TNRC6A: variants seen among roughly 807,000 people sequenced by gnomAD.
The protein encoded by TNRC6A is trinucleotide repeat containing adaptor 6A, also known as trinucleotide repeat-containing gene 6A protein.
A neutral mutation model predicts 221.2 loss-of-function variants in TNRC6A; 44 were observed. The ratio of observed to expected loss-of-function variants is 0.20; its 90% CI spans 0.16 to 0.26. TNRC6A has a LOEUF of 0.26. TNRC6A is among the 10% of genes least tolerant of loss of function. TNRC6A has a pLI of 1.00. For missense variants in TNRC6A, 2,199 were observed against 2,404.4 expected (o/e 0.91, Z 1.79); for synonymous variants, 847 against 838.5 (o/e 1.01, Z -0.18).
chr16:24,648,561 C>T (rs755213123), intron 2 of TNRC6A, among the ~76,000 whole-genome samples: 152 of 152,282 alleles, frequency 1.0e-3, no homozygotes, highest in Non-Finnish European at 1.5e-3. Flanking sequence ...TGAGCCACCG[C>T]GCCCGGCCCA....
intron 2 of TNRC6A, among the ~76,000 whole-genome samples, chr16:24,660,528 G>A (rs1157311873): frequency 1.3e-5 from 2 of 151,918 alleles, no homozygotes; most frequent in Non-Finnish European, 2.9e-5. Flanking sequence ...GTTGTGAATA[G>A]TGTGAATTGT....
At chr16:24,724,605 G>T (rs936089148) in intron 2 of TNRC6A, among the ~76,000 whole-genome samples, 15 of 152,114 alleles carry the variant, frequency 9.9e-5, no homozygotes, top group Admixed American at 6.6e-5. Flanking sequence ...AAGTAGCCAG[G>T]TGCAGTGACT....
At chr16:24,701,307 A>G (rs555384317) in intron 2 of TNRC6A, among the ~76,000 whole-genome samples, 2 of 151,806 alleles carry the variant, frequency 1.3e-5, no homozygotes, top group South Asian at 2.1e-4. Context: ...TGGCTCTTCA[A>G]TGCTCCCAAG....
Position 24,790,435 on chromosome 16 carries a change from G to A in TNRC6A, c.1793G>A (p.Arg598Gln), listed in dbSNP as rs768309586. 67 of 1,614,110 alleles carry A rather than the reference G, an allele frequency of 4.2e-5. No individual in the cohort carries two copies. Among genetic ancestry groups the A allele is most frequent in the Non-Finnish European group, 4.7e-5 (55 of 1,180,046 alleles). The change falls in exon 6 of 25, where the codon CGA becomes CAA. Residue 598 changes from arginine to glutamine, a missense_variant. Physicochemically the swap from Arg to Gln is conservative, Grantham distance 43. This residue lies in a region of TNRC6A where 1,405 missense variants were observed against 1,400.2 expected (regional missense o/e 1.00). Transcript: ENST00000395799. ...AATGGCGCAAATTCTGGAGGAAGTCGAAGAGGATGGGGAACCCCTGCACAA... is the reference window on the plus strand; with the variant it reads ...AATGGCGCAAATTCTGGAGGAAGTCAAAGAGGATGGGGAACCCCTGCACAA... ...SGNGANSGGS[R>Q]RGWGTPAQNT...
intron 2 of TNRC6A, among the ~76,000 whole-genome samples, chr16:24,732,856 A>G (rs1441216109): frequency 6.6e-6 from 1 of 152,216 alleles, no homozygotes; most frequent in Non-Finnish European, 1.5e-5. Context: ...GCTGAGAACC[A>G]CTGCTCTAGA....
At chr16:24,776,847 T>A (rs2057728954) in intron 4 of TNRC6A, 86 bp from the exon 5 acceptor site, 2 of 1,524,422 alleles carry the variant, frequency 1.3e-6, no homozygotes, top group Admixed American at 4.3e-5. Flanking sequence ...ATTATTTTTC[T>A]TAGTGCCTTT....
At position 24,750,832 on chromosome 16, in the gene TNRC6A, AT is replaced by A; in HGVS notation, c.141+22del. The A allele has an allele frequency of 6.7e-7, 1 of 1,489,800 alleles. No homozygotes were observed. Among genetic ancestry groups the A allele is most frequent in the South Asian group, 1.5e-5 (1 of 68,336 alleles). The allele number at this position is 1,489,800 out of a possible 1,614,324, so 92.3% of individuals were successfully genotyped here. On this transcript the variant is annotated intron_variant, in intron 3 of 24. Transcript: ENST00000395799. ...AAAGAAGGTAGTATGTGTGTAAACT[AT>A]TTATATTAAGCAGTTTAAACATAGA...
At chr16:24,684,459 C>A (rs1241230444) in intron 2 of TNRC6A, among the ~76,000 whole-genome samples, 1 of 151,750 alleles carries the variant, frequency 6.6e-6, no homozygotes, top group African/African-American at 2.4e-5. Flanking sequence ...TGAATTTTAC[C>A]TAATTTTTAC....
At chr16:24,674,620 T>C (rs900847366) in intron 2 of TNRC6A, among the ~76,000 whole-genome samples, 1 of 151,964 alleles carries the variant, frequency 6.6e-6, no homozygotes, top group African/African-American at 2.4e-5. Flanking sequence ...AAATTCAATG[T>C]ATTGTGACAG....
In TNRC6A at chr16:24,790,241, A is replaced by T. The variant is rs1484695296; in HGVS notation, c.1599A>T (p.Lys533Asn). ...GAYGSNYSGD[K>N]CSGPNGQANG... ...ATGGTTCTAATTACTCTGGAGACAA[A>T]TGTTCAGGCCCTAATGGCCAAGCTA... Residue 533 changes from lysine (K) to asparagine (N), a missense_variant, in exon 6 of 25, where the codon AAA becomes AAT. Physicochemically the swap from Lys to Asn is moderately conservative, Grantham distance 94. Transcript: ENST00000395799. 1 of 1,614,202 alleles carries T rather than the reference A, an allele frequency of 6.2e-7. No individual in the cohort carries two copies. The highest frequency in any genetic ancestry group is 8.5e-7 in the Non-Finnish European group (1 of 1,180,040).
chr16:24,627,697 C>CTT (rs57520356), intron 1 of TNRC6A, among the ~76,000 whole-genome samples: 54 of 101,758 alleles, frequency 5.3e-4, no homozygotes, highest in Non-Finnish European at 8.2e-4. Context: ...TCTTTTCTTG[C>CTT]TTTTTTTTTT....
rs1356817003 is a variant in TNRC6A, at chr16:24,791,833, A to G, written c.3175+16A>G. On this transcript the variant is annotated intron_variant, in intron 6 of 24. Coordinates refer to ENST00000395799, the MANE Select transcript of TNRC6A (RefSeq NM_014494.4). ...AGTGGCTCTGGTAAGTTTCTATTTT[A>G]TGAAATCAAGCCTTGTTTTAACTTA... 1.3e-6 allele frequency: 2 copies of G among 1,501,482 alleles called. No homozygotes were observed. Among genetic ancestry groups the G allele is most frequent in the Middle Eastern group, 1.8e-4 (1 of 5,508 alleles). 93.0% of individuals were successfully genotyped at this position (1,501,482 alleles called of 1,614,324 possible).
At chr16:24,639,668 G>T (rs1206553351) in intron 1 of TNRC6A, among the ~76,000 whole-genome samples, 1 of 152,046 alleles carries the variant, frequency 6.6e-6, no homozygotes, top group African/African-American at 2.4e-5. Flanking sequence ...CTGAGACAGG[G>T]TCTCGCTCTA....
chr16:24,631,196 T>G (rs1190758249), intron 1 of TNRC6A, among the ~76,000 whole-genome samples: 3 of 152,030 alleles, frequency 2.0e-5, no homozygotes, highest in African/African-American at 7.2e-5. Context: ...GCTGATAGCA[T>G]TTAGTATTTA....
intron 2 of TNRC6A, among the ~76,000 whole-genome samples, chr16:24,741,832 C>T (rs2151299467): frequency 6.6e-6 from 1 of 152,176 alleles, no homozygotes; most frequent in African/African-American, 2.4e-5. Context: ...ACACTTTTTA[C>T]ATTTTATTTA....
intron 1 of TNRC6A, among the ~76,000 whole-genome samples, chr16:24,637,915 T>G (rs13332511): frequency 0.69 from 104,689 of 151,850 alleles, 37,516 homozygotes; most frequent in African/African-American, 0.88. Flanking sequence ...CTCTCAAGTA[T>G]CTGGGACTAC....
chr16:24,691,584 C>T (rs2055757196), intron 2 of TNRC6A, among the ~76,000 whole-genome samples: 1 of 151,988 alleles, frequency 6.6e-6, no homozygotes, highest in Non-Finnish European at 1.5e-5. Context: ...GCCTGGCCAA[C>T]ATGACGAAAC....
chr16:24,619,582 T>G (rs957436665), intron 1 of TNRC6A, among the ~76,000 whole-genome samples: 3 of 152,134 alleles, frequency 2.0e-5, no homozygotes, highest in Admixed American at 6.6e-5. Context: ...AAATAAAATT[T>G]TAGCTACATT....
At chr16:24,613,115 CAAAAAAAAAAA>C (rs553122873) in intron 1 of TNRC6A, among the ~76,000 whole-genome samples, 1 of 55,692 alleles carries the variant, frequency 1.8e-5, no homozygotes, top group Non-Finnish European at 3.6e-5. Flanking sequence ...GACTCTGTCT[CAAAAAAAAAAA>C]AAAAAAAAAA....
Sources: allele counts gnomAD v4.1 joint callset (sites outside exome capture counted in the v4.1 genomes callset), GRCh38; gene constraint gnomAD v4.1.1; regional missense constraint gnomAD v4.1.1; transcripts MANE v1.5; gene names NCBI Gene and HGNC (gene_info 2026-07-23, HGNC 2026-07-21).